MAP4K3: variants seen among roughly 807,000 people sequenced by gnomAD.
The protein encoded by MAP4K3 is MAPK/ERK kinase kinase kinase 3.
MAP4K3 carries 94 observed loss-of-function variants against 143.5 expected under a neutral mutation model. The observed-to-expected ratio is 0.65, with a 90% CI of 0.55 to 0.78. The LOEUF is 0.78. MAP4K3 is among the 30% of genes least tolerant of loss of function. The probability of loss-of-function intolerance (pLI) is 0.00; values close to 1 mark genes in which losing one functional copy is unlikely to be tolerated. For synonymous variants in MAP4K3, 416 were observed against 347.2 expected, an observed-to-expected ratio of 1.20 and a Z score of -2.20; for missense variants, 1,077 against 1,068.1, an observed-to-expected ratio of 1.01 and a Z score of -0.12.
At chr2:39,422,359 T>A (rs1044790549) in intron 1 of MAP4K3, among the ~76,000 whole-genome samples, 3 of 151,914 alleles carry the variant, frequency 2.0e-5, no homozygotes, top group Admixed American at 1.3e-4. Context: ...TATATCTGAC[T>A]CCAAATTACA....
intron 1 of MAP4K3, among the ~76,000 whole-genome samples, chr2:39,384,946 T>G (rs1666455958): frequency 6.6e-6 from 1 of 152,228 alleles, no homozygotes; most frequent in African/African-American, 2.4e-5. Context: ...TAACGTGTTC[T>G]CTATGACTAC....
intron 1 of MAP4K3, among the ~76,000 whole-genome samples, chr2:39,404,659 T>C (rs370385833): frequency 6.6e-6 from 1 of 150,622 alleles, no homozygotes; most frequent in South Asian, 2.1e-4. Context: ...TTTGCTCTTA[T>C]TGCCCAGGCT....
At chr2:39,383,779 G>C (rs189652509) in intron 1 of MAP4K3, among the ~76,000 whole-genome samples, 22 of 150,888 alleles carry the variant, frequency 1.5e-4, no homozygotes, top group Admixed American at 5.9e-4. Flanking sequence ...ATAGGGATCA[G>C]CAAACATGTC....
chr2:39,384,075 T>C (rs1444545836), intron 1 of MAP4K3, among the ~76,000 whole-genome samples: 1 of 150,930 alleles, frequency 6.6e-6, no homozygotes, highest in Non-Finnish European at 1.5e-5. Context: ...GATCACACCA[T>C]TGTCCTCAAG....
At chr2:39,309,313 C>A in intron 14 of MAP4K3, 148 bp downstream of exon 14, 1 of 557,448 alleles carries the variant, frequency 1.8e-6, no homozygotes. Context: ...TTTGTAGAGA[C>A]AGGGTCTTAC....
chr2:39,258,257 C>T, intron 31 of MAP4K3, 91 bp downstream of exon 31: 1 of 914,846 alleles, frequency 1.1e-6, no homozygotes. Flanking sequence ...AAAAAAGAAT[C>T]TTAATAATAT....
chr2:39,284,806 T>C (rs1485863225), intron 21 of MAP4K3, among the ~76,000 whole-genome samples: 1 of 151,820 alleles, frequency 6.6e-6, no homozygotes. Context: ...ATTGCGCCAC[T>C]GCACTCTGGC....
At chr2:39,425,446 G>A (rs1401774589) in intron 1 of MAP4K3, among the ~76,000 whole-genome samples, 8 of 152,202 alleles carry the variant, frequency 5.3e-5, no homozygotes, top group Non-Finnish European at 8.8e-5. Flanking sequence ...AACCCTCAAT[G>A]TGGCAGCATC....
In MAP4K3 at chr2:39,343,455, A is replaced by G. The variant is rs1437721668; in HGVS notation, c.246-3T>C. ...TGCAAATCCAAAGCTTATCTCGCCT[A>G]TAAAGAGAAAAGAAGCATGTATCAT... On this transcript the variant is annotated splice_region_variant and splice_polypyrimidine_tract_variant and intron_variant, in intron 3 of 33. Coordinates refer to ENST00000263881, the MANE Select transcript of MAP4K3 (RefSeq NM_003618.4). The G allele has an allele frequency of 1.2e-6, 2 of 1,611,726 alleles. No homozygotes were observed. Among genetic ancestry groups the G allele is most frequent in the Non-Finnish European group, 1.7e-6 (2 of 1,178,416 alleles).
intron 1 of MAP4K3, among the ~76,000 whole-genome samples, chr2:39,402,860 A>G (rs1391711768): frequency 2.0e-5 from 3 of 152,056 alleles, no homozygotes; most frequent in Admixed American, 6.5e-5. Context: ...GTTGGGAAGT[A>G]GAGACATGAC....
rs550119721 is a variant in MAP4K3 at position 39,340,190 on chromosome 2, T to C, written c.311-2609A>G. 2.6e-5 allele frequency among the ~76,000 whole-genome samples: 4 copies of C among 152,232 alleles called. No individual in the cohort carries two copies. In the South Asian group the frequency reaches 8.3e-4, roughly 32 times the overall value. On this transcript the variant is annotated intron_variant, in intron 4 of 33. Coordinates refer to ENST00000263881, the MANE Select transcript of MAP4K3 (RefSeq NM_003618.4). ...AGGATATAATACTCTCTCTATATAA[T>C]GACAATGTGATAAAAAAGAGGCAGA... is the stretch of plus-strand genomic sequence containing the variant.
In MAP4K3 at chr2:39,352,550, G is replaced by A. The variant is rs1448101261; in HGVS notation, c.245+3699C>T. Among the ~76,000 whole-genome samples, 4 of 152,246 alleles carry A rather than the reference G, an allele frequency of 2.6e-5. No individual in the cohort carries two copies. In the South Asian group the frequency reaches 6.2e-4, roughly 24 times the overall value. On this transcript the variant is annotated intron_variant, in intron 3 of 33. Coordinates refer to ENST00000263881, the MANE Select transcript of MAP4K3 (RefSeq NM_003618.4). ...ATAAATACACAAACATATATATTCAGATACAAATACATACCAAACCGGGAC... is the reference window on the plus strand; with the variant it reads ...ATAAATACACAAACATATATATTCAAATACAAATACATACCAAACCGGGAC...
At chr2:39,370,368 T>C (rs1666047529) in intron 2 of MAP4K3, among the ~76,000 whole-genome samples, 1 of 152,138 alleles carries the variant, frequency 6.6e-6, no homozygotes, top group Non-Finnish European at 1.5e-5. Context: ...AAGCACATGG[T>C]GGCAAGGGAT....
chr2:39,378,536 G>C (rs992438870), intron 1 of MAP4K3, among the ~76,000 whole-genome samples: 2 of 152,102 alleles, frequency 1.3e-5, no homozygotes, highest in Non-Finnish European at 2.9e-5. Flanking sequence ...TTCAAACCTA[G>C]GCAGTCTAAC....
chr2:39,396,171 G>C (rs912122279), intron 1 of MAP4K3, among the ~76,000 whole-genome samples: 1 of 151,946 alleles, frequency 6.6e-6, no homozygotes, highest in Non-Finnish European at 1.5e-5. Flanking sequence ...CGGAGCAGTT[G>C]GAACTACAGG....
intron 1 of MAP4K3, among the ~76,000 whole-genome samples, chr2:39,391,188 T>C (rs2148595468): frequency 6.7e-6 from 1 of 150,352 alleles, no homozygotes; most frequent in South Asian, 2.1e-4. Flanking sequence ...ACCCCGTCTC[T>C]ACTAAAAAAA....
intron 21 of MAP4K3, among the ~76,000 whole-genome samples, chr2:39,285,426 G>C (rs1476088558): frequency 6.6e-6 from 1 of 152,068 alleles, no homozygotes; most frequent in Non-Finnish European, 1.5e-5. Flanking sequence ...ATTTTATACT[G>C]TGTTACAGTC....
At chr2:39,289,354 A>G (rs1681934706) in intron 19 of MAP4K3, among the ~76,000 whole-genome samples, 1 of 152,198 alleles carries the variant, frequency 6.6e-6, no homozygotes, top group Non-Finnish European at 1.5e-5. Flanking sequence ...AAACCGAATG[A>G]CAAGACTGAT....
At chr2:39,358,827 GC>G (rs1338859777) in intron 2 of MAP4K3, among the ~76,000 whole-genome samples, 3 of 152,136 alleles carry the variant, frequency 2.0e-5, no homozygotes, top group African/African-American at 7.2e-5. Flanking sequence ...GAGGGTAACT[GC>G]CCCCATGATT....
Sources: gnomAD v4.1 joint callset for allele counts (sites outside exome capture counted in the v4.1 genomes callset) on GRCh38, gnomAD v4.1.1 for gene constraint, MANE v1.5 for transcripts, NCBI Gene and HGNC (gene_info 2026-07-23, HGNC 2026-07-21) for gene names.